PAPPA: variants seen among roughly 807,000 people sequenced by gnomAD.
PAPPA encodes the protein pappalysin 1.
A neutral mutation model predicts 164.0 loss-of-function variants in PAPPA; 60 were observed. The observed-to-expected ratio is 0.37, with a 90% CI of 0.30 to 0.45. The LOEUF (loss-of-function observed/expected upper bound fraction) is 0.45, where lower values mean the gene tolerates loss of function less well. PAPPA is among the 20% of genes least tolerant of loss of function. The pLI is 1.00. For missense variants in PAPPA, 1,782 were observed against 2,087.3 expected, an observed-to-expected ratio of 0.85 and a Z score of 2.85; for synonymous variants, 875 against 814.1, an observed-to-expected ratio of 1.07 and a Z score of -1.27.
chr9:116,379,665 T>C (rs1392765699), intron 20 of PAPPA, among the ~76,000 whole-genome samples: 1 of 152,120 alleles, frequency 6.6e-6, no homozygotes, highest in Non-Finnish European at 1.5e-5. Flanking sequence ...CAATCTAGGA[T>C]ACAGAAATGG....
chr9:116,231,075 G>GTATATATATATA (rs3838263), intron 6 of PAPPA, among the ~76,000 whole-genome samples: 17 of 150,794 alleles, frequency 1.1e-4, no homozygotes, highest in African/African-American at 1.9e-4. Flanking sequence ...CAGCTGCAGT[G>GTATATATATATA]TATATATATA....
At chr9:116,330,415 A>G (rs887329527) in intron 10 of PAPPA, among the ~76,000 whole-genome samples, 10 of 148,784 alleles carry the variant, frequency 6.7e-5, no homozygotes, top group Non-Finnish European at 1.5e-4. Flanking sequence ...ATTTTGTCCC[A>G]GAGTGTTTGA....
At chr9:116,312,288 C>CTTTTTTTTT (rs5900201) in intron 10 of PAPPA, among the ~76,000 whole-genome samples, 338 of 129,312 alleles carry the variant, frequency 2.6e-3, no homozygotes, top group Middle Eastern at 4.4e-3. Flanking sequence ...TTCTTTCTTT[C>CTTTTTTTTT]TTTTTTTTTT....
intron 21 of PAPPA, among the ~76,000 whole-genome samples, chr9:116,395,006 GGA>G: frequency 6.6e-6 from 1 of 152,270 alleles, no homozygotes; most frequent in South Asian, 2.1e-4. Context: ...AGAGGGAGCG[GGA>G]GAGAGAAAGA....
At chr9:116,234,613 C>G (rs1844637201) in intron 6 of PAPPA, among the ~76,000 whole-genome samples, 1 of 152,158 alleles carries the variant, frequency 6.6e-6, no homozygotes, top group South Asian at 2.1e-4. Flanking sequence ...ATTCTACTGT[C>G]CCCTGCATCC....
At chr9:116,380,011 C>A (rs1846707317) in intron 20 of PAPPA, among the ~76,000 whole-genome samples, 1 of 152,208 alleles carries the variant, frequency 6.6e-6, no homozygotes, top group African/African-American at 2.4e-5. Flanking sequence ...ATGATCTCAG[C>A]TGAAGCGTCA....
chr9:116,161,709 G>GA (rs57639944), intron 1 of PAPPA, among the ~76,000 whole-genome samples: 1,881 of 102,896 alleles, frequency 0.018, 17 homozygotes, highest in African/African-American at 0.033. Flanking sequence ...AAAAGCTCCA[G>GA]AAAAAAAAAA....
At chr9:116,236,182 G>A (rs1384552356) in intron 7 of PAPPA, among the ~76,000 whole-genome samples, 1 of 152,088 alleles carries the variant, frequency 6.6e-6, no homozygotes, top group East Asian at 1.9e-4. Context: ...ATTTCCTGAG[G>A]CAGAACAGTG....
At chr9:116,354,506 G>T (rs1846326830) in intron 17 of PAPPA, among the ~76,000 whole-genome samples, 1 of 152,234 alleles carries the variant, frequency 6.6e-6, no homozygotes, top group Non-Finnish European at 1.5e-5. Context: ...GGTGGGGATA[G>T]ATTTCAGTGC....
In PAPPA at chr9:116,264,858, G is replaced by A. The variant is rs573059082; in HGVS notation, c.2733-999G>A. Among the ~76,000 whole-genome samples, 9 of 152,286 alleles carry A rather than the reference G, an allele frequency of 5.9e-5. No individual in the cohort carries two copies. The East Asian group carries it at 1.5e-3, about 26-fold the overall frequency. On this transcript the variant is annotated intron_variant, in intron 7 of 21. Coordinates refer to ENST00000328252, the MANE Select transcript of PAPPA (RefSeq NM_002581.5). ...GACATAGGGAGGGGGATGTGGTCGT[G>A]TGGAATTGACATAAACATATATTTG...
chr9:116,357,655 G>T (rs1363176457), intron 17 of PAPPA, among the ~76,000 whole-genome samples: 1 of 152,202 alleles, frequency 6.6e-6, no homozygotes. Context: ...TCCCCAGGGG[G>T]TGAGAAGCTA....
rs886781267 is a variant in PAPPA, at chr9:116,227,338, T to C, written c.2112-93T>C. 4.5e-5 allele frequency: 59 copies of C among 1,303,250 alleles called. No homozygotes were observed. The African/African-American group carries it at 8.2e-4, about 18-fold the overall frequency. The allele number at this position is 1,303,250 out of a possible 1,614,324, so 80.7% of individuals were successfully genotyped here. On this transcript the variant is annotated intron_variant, in intron 5 of 21. Transcript: ENST00000328252. ...AAGGGGGAAACACAGATTTGTTGTGTCCTCTGCCCCATTGACTCTGGCCTA... is the reference window on the plus strand; with the variant it reads ...AAGGGGGAAACACAGATTTGTTGTGCCCTCTGCCCCATTGACTCTGGCCTA...
intron 19 of PAPPA, among the ~76,000 whole-genome samples, chr9:116,376,210 G>A (rs776568071): frequency 3.3e-5 from 5 of 151,898 alleles, no homozygotes; most frequent in African/African-American, 4.8e-5. Context: ...TAGTAGAGAC[G>A]GGGTTTCACC....
intron 1 of PAPPA, among the ~76,000 whole-genome samples, chr9:116,178,444 G>C (rs1843862805): frequency 6.6e-6 from 1 of 152,164 alleles, no homozygotes; most frequent in Non-Finnish European, 1.5e-5. Context: ...TTTTTAAAAA[G>C]TGTAGCTACA....
At chr9:116,258,781 C>A (rs1482216170) in intron 7 of PAPPA, among the ~76,000 whole-genome samples, 1 of 152,108 alleles carries the variant, frequency 6.6e-6, no homozygotes, top group Non-Finnish European at 1.5e-5. Context: ...TAGTGCTGGA[C>A]AAATAATTTT....
At chr9:116,219,205 C>T (rs1844412477) in intron 4 of PAPPA, among the ~76,000 whole-genome samples, 4 of 152,210 alleles carry the variant, frequency 2.6e-5, no homozygotes, top group South Asian at 2.1e-4. Flanking sequence ...CCACCCATGC[C>T]GTCTTCCTCG....
At chr9:116,295,166 A>G (rs903102254) in intron 9 of PAPPA, among the ~76,000 whole-genome samples, 3 of 152,230 alleles carry the variant, frequency 2.0e-5, no homozygotes, top group African/African-American at 7.2e-5. Flanking sequence ...AGCCAATACC[A>G]GTGAATGTTA....
chr9:116,274,155 G>A (rs1032850455), intron 9 of PAPPA, among the ~76,000 whole-genome samples: 3 of 151,844 alleles, frequency 2.0e-5, no homozygotes, highest in Non-Finnish European at 4.4e-5. Flanking sequence ...TGCAAAACAA[G>A]TCGTATCACA....
intron 1 of PAPPA, among the ~76,000 whole-genome samples, chr9:116,184,352 AAGG>A (rs1467554861): frequency 6.6e-6 from 1 of 152,134 alleles, no homozygotes; most frequent in Non-Finnish European, 1.5e-5. Context: ...GATTTCTAAG[AAGG>A]GTTTGCCAGT....
Sources: gnomAD v4.1 joint callset for allele counts (sites outside exome capture counted in the v4.1 genomes callset) on GRCh38, gnomAD v4.1.1 for gene constraint, MANE v1.5 for transcripts, NCBI Gene and HGNC (gene_info 2026-07-23, HGNC 2026-07-21) for gene names.